UBA6: variants seen among roughly 807,000 people sequenced by gnomAD.
UBA6 encodes ubiquitin like modifier activating enzyme 6.
UBA6 carries 87 observed loss-of-function variants against 148.3 expected under a neutral mutation model. The ratio of observed to expected loss-of-function variants is 0.59; its 90% confidence interval spans 0.49 to 0.70. The LOEUF (loss-of-function observed/expected upper bound fraction) is 0.70, where lower values mean the gene tolerates loss of function less well. Ranked by LOEUF, UBA6 falls within the 30% of genes least tolerant of loss-of-function variation. UBA6 has a pLI of 0.00. For synonymous variants in UBA6, 376 were observed against 401.0 expected (o/e 0.94, Z 0.75); for missense variants, 1,186 against 1,241.2 (o/e 0.96, Z 0.67).
At chr4:67,700,642 T>G (rs1221236597) in intron 1 of UBA6, among the ~76,000 whole-genome samples, 1 of 152,020 alleles carries the variant, frequency 6.6e-6, no homozygotes, top group Admixed American at 6.5e-5. Context: ...AGGATCTCAG[T>G]GGAGGTGCAC....
chr4:67,696,821 T>C, intron 1 of UBA6, 114 bp from the exon 2 acceptor site: 1 of 708,452 alleles, frequency 1.4e-6, no homozygotes, highest in Non-Finnish European at 2.3e-6. Context: ...ACATATATTT[T>C]ATTAACAACC....
intron 22 of UBA6, among the ~76,000 whole-genome samples, 185 bp from the exon 23 acceptor site, chr4:67,633,658 GA>G (rs1211440329): frequency 6.6e-6 from 1 of 151,990 alleles, no homozygotes; most frequent in Non-Finnish European, 1.5e-5. Flanking sequence ...TTGAGAAGGG[GA>G]ATGGTAAGAG....
intron 28 of UBA6, among the ~76,000 whole-genome samples, chr4:67,626,040 C>T (rs1458741094): frequency 6.6e-6 from 1 of 151,772 alleles, no homozygotes; most frequent in Non-Finnish European, 1.5e-5. Context: ...TTTTTAATTC[C>T]TTAAAAACAG....
At chr4:67,629,227 T>G (rs1728941420) in intron 26 of UBA6, 85 bp from the exon 27 acceptor site, 1 of 797,034 alleles carries the variant, frequency 1.3e-6, no homozygotes. Context: ...TCCTTAATCA[T>G]ATTACAATAT....
At chr4:67,625,297 T>A in intron 28 of UBA6, 110 bp from the exon 29 acceptor site, 1 of 838,398 alleles carries the variant, frequency 1.2e-6, no homozygotes, top group East Asian at 2.7e-5. Flanking sequence ...TTATATTTTT[T>A]AATGACTGAG....
At chr4:67,648,190 C>T (rs900941457) in intron 14 of UBA6, among the ~76,000 whole-genome samples, 8 of 150,704 alleles carry the variant, frequency 5.3e-5, no homozygotes, top group East Asian at 2.0e-4. Flanking sequence ...AAAAATGAGC[C>T]GGGCGCAGTG....
At chr4:67,662,306 A>G (rs979031961) in intron 12 of UBA6, 51 bp from the exon 13 acceptor site, 2 of 1,485,608 alleles carry the variant, frequency 1.3e-6, no homozygotes, top group African/African-American at 2.8e-5. Context: ...ACTGCCATAA[A>G]CAGTAGGACA....
rs1415600774 is a variant in UBA6, at chr4:67,622,931, A to C, written c.2929-6T>G. 1.9e-6 allele frequency: 3 copies of C among 1,593,962 alleles called. No homozygotes were observed. The Admixed American group carries it at 5.3e-5, about 28-fold the overall frequency. ...GGCTCAATTCCATACTTCTCCTAAA[A>C]GTGAATATCCAAAAAAGAAACAATG... On this transcript the variant is annotated splice_polypyrimidine_tract_variant and splice_region_variant and intron_variant, in intron 31 of 32. Transcript: ENST00000322244.
At position 67,678,506 on chromosome 4, in the gene UBA6, A is replaced by G. The variant is rs751680891; in HGVS notation, c.286T>C (p.Cys96Arg). 6.3e-7 allele frequency: 1 copy of G among 1,593,500 alleles called. No homozygotes were observed. Among genetic ancestry groups the G allele is most frequent in the East Asian group, 2.3e-5 (1 of 44,196 alleles). Reference sequence around the variant, plus strand: ...TTGGTTCCTAGATCCCATGCTTGGCATTTTTCTGTATCATGAATTGTAACT... The same window carrying G: ...TTGGTTCCTAGATCCCATGCTTGGCGTTTTTCTGTATCATGAATTGTAACT... ...KAVTIHDTEKCQAWDLGTNFF... is the reference protein window; with the variant it reads ...KAVTIHDTEKRQAWDLGTNFF... The change falls in exon 5 of 33, where the codon TGC becomes CGC. Residue 96 changes from cysteine to arginine, a missense_variant. Transcript: ENST00000322244.
rs1182675157 is a variant in UBA6, at chr4:67,631,891, G to A, written c.2160C>T (p.His720=). 1.2e-6 allele frequency: 2 copies of A among 1,611,382 alleles called. No homozygotes were observed. The highest frequency in any genetic ancestry group is 3.3e-5 in the Admixed American group (2 of 59,784). ...YFNHKALQLL[H]CFPLDIRLKD... ...TTAATCGTATGTCCAGAGGGAAACA[G>A]TGAAGAAGCTGAAGAGCCTAAAGAA... Residue 720 remains histidine (H), a synonymous_variant, in exon 24 of 33, where the codon CAC becomes CAT. Coordinates refer to ENST00000322244, the MANE Select transcript of UBA6 (RefSeq NM_018227.6).
At chr4:67,623,288 A>C (rs570700525) in intron 30 of UBA6, 66 bp from the exon 31 acceptor site, 3 of 1,206,154 alleles carry the variant, frequency 2.5e-6, no homozygotes, top group East Asian at 4.8e-5. Context: ...TGACACACAC[A>C]CAAAAAAAAC....
chr4:67,650,361 C>T (rs975032374), intron 13 of UBA6, among the ~76,000 whole-genome samples: 3 of 151,948 alleles, frequency 2.0e-5, no homozygotes, highest in Admixed American at 6.6e-5. Flanking sequence ...GGATCTGGAC[C>T]GAAAAAGTCC....
intron 2 of UBA6, among the ~76,000 whole-genome samples, chr4:67,688,538 G>A (rs1730623366): frequency 6.6e-6 from 1 of 151,982 alleles, no homozygotes; most frequent in African/African-American, 2.4e-5. Flanking sequence ...ACCCCTTTGA[G>A]AGAGAGAACT....
At chr4:67,665,133 TCTGC>T in intron 10 of UBA6, 52 bp downstream of exon 10, 1 of 1,085,242 alleles carries the variant, frequency 9.2e-7, no homozygotes, top group Non-Finnish European at 1.3e-6. Flanking sequence ...ATTTGTCTCT[TCTGC>T]CTTTCTTTTT....
intron 19 of UBA6, among the ~76,000 whole-genome samples, chr4:67,636,294 T>C (rs1294106380): frequency 1.3e-5 from 2 of 152,246 alleles, no homozygotes; most frequent in Admixed American, 1.3e-4. Context: ...CATAGTGTTA[T>C]GAAAATCACC....
chr4:67,659,512 G>C (rs2109929732), intron 13 of UBA6, among the ~76,000 whole-genome samples: 1 of 129,092 alleles, frequency 7.7e-6, no homozygotes, highest in Admixed American at 7.9e-5. Context: ...CTTCTCCTGT[G>C]CCTTCTGCCA....
chr4:67,677,413 T>C (rs1436309435), intron 6 of UBA6, among the ~76,000 whole-genome samples, 198 bp downstream of exon 6: 3 of 152,246 alleles, frequency 2.0e-5, no homozygotes, highest in African/African-American at 7.2e-5. Flanking sequence ...CCAACTGATA[T>C]AACTACTTTG....
At chr4:67,631,133 C>T (rs62303087) in intron 25 of UBA6, among the ~76,000 whole-genome samples, 9,506 of 151,952 alleles carry the variant, frequency 0.063, 341 homozygotes, top group Middle Eastern at 0.071. Context: ...AGCTGAGGTG[C>T]GAGGATTGCT....
chr4:67,676,961 T>G (rs1283097339), intron 6 of UBA6, among the ~76,000 whole-genome samples: 2 of 152,096 alleles, frequency 1.3e-5, no homozygotes, highest in Non-Finnish European at 2.9e-5. Flanking sequence ...TCCTGGGAAT[T>G]TTGTTGTTGT....
Sources: allele counts gnomAD v4.1 joint callset (sites outside exome capture counted in the v4.1 genomes callset), GRCh38; gene constraint gnomAD v4.1.1; transcripts MANE v1.5; gene names NCBI Gene and HGNC (gene_info 2026-07-23, HGNC 2026-07-21).